The following LYZL1 variants were observed in gnomAD, a reference collection of about 807,000 sequenced individuals.
LYZL1 encodes lysozyme like 1, also known as lysozyme-like protein 1.
In LYZL1, 16 loss-of-function variants were observed where a neutral mutation model predicts 17.9. The ratio of observed to expected loss-of-function variants is 0.90; its 90% CI spans 0.61 to 1.36. The LOEUF is 1.36. Ranked by LOEUF, LYZL1 falls within the 40% of genes most tolerant of loss-of-function variation. The probability of loss-of-function intolerance (pLI) is 0.00; values close to 1 mark genes in which losing one functional copy is unlikely to be tolerated. For missense variants in LYZL1, 149 were observed against 188.4 expected (o/e 0.79, Z 1.22); for synonymous variants, 58 against 71.8 (o/e 0.81, Z 0.97).
intron 3 of LYZL1, among the ~76,000 whole-genome samples, chr10:29,298,539 C>T (rs1245829278): frequency 1.3e-5 from 2 of 152,150 alleles, no homozygotes; most frequent in Non-Finnish European, 2.9e-5. Context: ...GTGGATCCGT[C>T]AGGGCAAAGA....
intron 3 of LYZL1, among the ~76,000 whole-genome samples, chr10:29,307,685 T>C (rs1835614663): frequency 6.6e-6 from 1 of 152,226 alleles, no homozygotes; most frequent in Admixed American, 6.5e-5. Context: ...TGGCTGTTTA[T>C]TTTATTAAAT....
At chr10:29,302,463 C>T (rs994593593) in intron 3 of LYZL1, among the ~76,000 whole-genome samples, 16 of 152,128 alleles carry the variant, frequency 1.1e-4, no homozygotes, top group Middle Eastern at 3.2e-3. Flanking sequence ...TATTCATAAA[C>T]GGGTGGGAAG....
downstream of LYZL1, among the ~76,000 whole-genome samples, chr10:29,313,500 T>G (rs1037264063): frequency 5.3e-5 from 8 of 152,212 alleles, no homozygotes; most frequent in Non-Finnish European, 1.0e-4. Context: ...CAAAAATAAG[T>G]GTTTTAAAAT....
At chr10:29,298,423 A>T (rs1252474875) in intron 3 of LYZL1, among the ~76,000 whole-genome samples, 1 of 152,012 alleles carries the variant, frequency 6.6e-6, no homozygotes, top group Non-Finnish European at 1.5e-5. Context: ...GCTGATGCCT[A>T]CTCTTATTTA....
chr10:29,318,134 G>T, intron 4 of LYZL1: 1 of 985,070 alleles, frequency 1.0e-6, no homozygotes, highest in Non-Finnish European at 1.2e-6. Context: ...TGAAACTGAG[G>T]CTGTTTATTT....
chr10:29,312,296 G>A (rs77633089), downstream of LYZL1, among the ~76,000 whole-genome samples: 2,534 of 152,158 alleles, frequency 0.017, 81 homozygotes, highest in African/African-American at 0.057. Flanking sequence ...TCAAACCCAT[G>A]GCCTATGAGC....
chr10:29,305,862 C>T (rs10763707), intron 3 of LYZL1, among the ~76,000 whole-genome samples: 43,345 of 152,060 alleles, frequency 0.29, 6,317 homozygotes, highest in South Asian at 0.4. Context: ...GAGAAAGCCA[C>T]AAAATTAGCA....
chr10:29,313,455 A>G (rs1248307330), downstream of LYZL1, among the ~76,000 whole-genome samples: 3 of 152,208 alleles, frequency 2.0e-5, no homozygotes. Flanking sequence ...CCAGCCATTC[A>G]AAGACTGGGG....
chr10:29,307,098 C>T (rs571450351), intron 3 of LYZL1, among the ~76,000 whole-genome samples: 2 of 152,164 alleles, frequency 1.3e-5, no homozygotes, highest in African/African-American at 2.4e-5. Context: ...AAGTGATCCA[C>T]CTGCCTCGGC....
chr10:29,315,741 T>C (rs935959339), downstream of LYZL1, among the ~76,000 whole-genome samples: 2 of 150,848 alleles, frequency 1.3e-5, no homozygotes, highest in African/African-American at 2.4e-5. Flanking sequence ...CCCAGCTACT[T>C]GGGAGGCTGA....
chr10:29,301,357 T>C (rs558199689), intron 3 of LYZL1, among the ~76,000 whole-genome samples: 113 of 152,222 alleles, frequency 7.4e-4, no homozygotes, highest in Middle Eastern at 3.4e-3. Context: ...GGTATGTCTT[T>C]ATCAGCAGAA....
At chr10:29,315,773 T>C (rs1007482933), downstream of LYZL1, among the ~76,000 whole-genome samples, 3 of 151,668 alleles carry the variant, frequency 2.0e-5, no homozygotes, top group Admixed American at 2.0e-4. Context: ...CACTTGAGCC[T>C]TGAAGGTCAA....
At chr10:29,295,401 A>G (rs1032852201) in intron 3 of LYZL1, among the ~76,000 whole-genome samples, 2 of 152,172 alleles carry the variant, frequency 1.3e-5, no homozygotes, top group Admixed American at 6.5e-5. Flanking sequence ...CAGTATATTC[A>G]CTTTCCATAG....
Position 29,306,549 on chromosome 10 carries a change from CAAAAAAAAAAAAAAAA to C in LYZL1, c.299-3550_299-3535del, listed in dbSNP as rs58001118. 3.3e-3 allele frequency among the ~76,000 whole-genome samples: 162 copies of C among 48,804 alleles called. 7 individuals are homozygous for C. Among genetic ancestry groups the C allele is most frequent in the African/African-American group, 0.015 (154 of 10,594 alleles). The allele number at this position is 48,804 out of a possible 152,430, so 32.0% of individuals were successfully genotyped here. On this transcript the variant is annotated intron_variant, in intron 3 of 4. Coordinates refer to ENST00000649382, the MANE Select transcript of LYZL1 (RefSeq NM_032517.6). ...TGGGCGACAGAGCGAGACTCCGTCT[CAAAAAAAAAAAAAAAA>C]AAAAAAAAAAGAAAAAATAAGGAAC...
intron 3 of LYZL1, among the ~76,000 whole-genome samples, chr10:29,309,531 C>G (rs1835642587): frequency 6.6e-6 from 1 of 152,096 alleles, no homozygotes; most frequent in South Asian, 2.1e-4. Flanking sequence ...GGGTCTCACT[C>G]TGTTGCCCAG....
chr10:29,317,906 C>T (rs1454104953), intron 4 of LYZL1, among the ~76,000 whole-genome samples: 4 of 150,870 alleles, frequency 2.7e-5, no homozygotes, highest in Admixed American at 1.3e-4. Flanking sequence ...ATGACAGCAC[C>T]GCACTCCAGA....
intron 3 of LYZL1, among the ~76,000 whole-genome samples, chr10:29,308,314 G>A (rs1454795952): frequency 1.3e-5 from 2 of 152,164 alleles, no homozygotes; most frequent in African/African-American, 4.8e-5. Context: ...GCCCGACTTG[G>A]GCCACTCTGA....
downstream of LYZL1, among the ~76,000 whole-genome samples, chr10:29,311,552 G>T (rs147216512): frequency 1.3e-5 from 2 of 152,280 alleles, no homozygotes; most frequent in East Asian, 1.9e-4. Context: ...CTACACGCAC[G>T]CAAGAGACGC....
chr10:29,297,576 T>C (rs921837696), intron 3 of LYZL1, among the ~76,000 whole-genome samples: 4 of 152,254 alleles, frequency 2.6e-5, no homozygotes, highest in African/African-American at 7.2e-5. Flanking sequence ...CTTTGTCTCA[T>C]ACTGGATATA....
Sources: gnomAD v4.1 joint callset for allele counts (sites outside exome capture counted in the v4.1 genomes callset) on GRCh38, gnomAD v4.1.1 for gene constraint, MANE v1.5 for transcripts, NCBI Gene and HGNC (gene_info 2026-07-23, HGNC 2026-07-21) for gene names.